ATRNL1: variants seen among roughly 807,000 people sequenced by gnomAD.
The protein encoded by ATRNL1 is attractin-like protein 1.
In ATRNL1, 95 loss-of-function variants were observed where a neutral mutation model predicts 182.7. The ratio of observed to expected loss-of-function variants is 0.52; its 90% CI spans 0.44 to 0.62. ATRNL1 has a LOEUF of 0.62. Among genes scored for constraint, ATRNL1 ranks in the 20% least tolerant of loss-of-function variants. The pLI is 0.00. For missense variants in ATRNL1, 1,471 were observed against 1,679.5 expected (o/e 0.88, Z 2.17); for synonymous variants, 576 against 568.3 (o/e 1.01, Z -0.19).
chr10:115,740,531 G>A (rs1565337513), intron 27 of ATRNL1, among the ~76,000 whole-genome samples: 2 of 151,018 alleles, frequency 1.3e-5, no homozygotes, highest in South Asian at 2.1e-4. Flanking sequence ...TTTTTGAGAC[G>A]GAGTCTTGCT....
At chr10:115,909,599 C>A (rs1415436752) in intron 28 of ATRNL1, 2 of 109,416 alleles carry the variant, frequency 1.8e-5, no homozygotes, top group African/African-American at 4.1e-5. Context: ...GGTTTTTTTT[C>A]TTTTTTCCAC....
chr10:115,625,964 C>G (rs1858070202), intron 26 of ATRNL1, among the ~76,000 whole-genome samples: 1 of 152,008 alleles, frequency 6.6e-6, no homozygotes, highest in Admixed American at 6.6e-5. Context: ...TCACACTTTC[C>G]CCCTCATCTC....
chr10:115,436,758 C>T (rs1233023202), intron 21 of ATRNL1, among the ~76,000 whole-genome samples: 1 of 152,010 alleles, frequency 6.6e-6, no homozygotes, highest in East Asian at 1.9e-4. Context: ...CATTTACTTG[C>T]GTTTACTGAC....
At chr10:115,650,302 A>G in intron 26 of ATRNL1, among the ~76,000 whole-genome samples, 1 of 152,092 alleles carries the variant, frequency 6.6e-6, no homozygotes, top group East Asian at 1.9e-4. Flanking sequence ...ATTGGACATG[A>G]TTGTTCAACA....
chr10:115,449,578 C>A (rs1488551171), intron 21 of ATRNL1, among the ~76,000 whole-genome samples: 1 of 152,158 alleles, frequency 6.6e-6, no homozygotes, highest in Non-Finnish European at 1.5e-5. Flanking sequence ...TAACACATGC[C>A]CTCTGGGGCT....
chr10:115,563,131 G>A (rs1308954402), intron 26 of ATRNL1, among the ~76,000 whole-genome samples: 5 of 152,118 alleles, frequency 3.3e-5, no homozygotes, highest in African/African-American at 4.8e-5. Context: ...TGGTTCCACA[G>A]GCTGTACAAG....
chr10:115,228,174 C>T (rs12218100), intron 9 of ATRNL1, among the ~76,000 whole-genome samples: 32,257 of 151,904 alleles, frequency 0.21, 4,367 homozygotes, highest in Non-Finnish European at 0.3. Context: ...TAGCAAATTA[C>T]GTTTTTATTA....
intron 19 of ATRNL1, among the ~76,000 whole-genome samples, chr10:115,373,475 TG>T (rs1857501381): frequency 6.6e-6 from 1 of 152,056 alleles, no homozygotes; most frequent in Non-Finnish European, 1.5e-5. Context: ...TTTTCACTAA[TG>T]AGTATGATGT....
rs1374399586 is a variant in ATRNL1 at position 115,199,435 on chromosome 10, G to A, written c.1349-16262G>A. On this transcript the variant is annotated intron_variant, in intron 8 of 28. Coordinates refer to ENST00000355044, the MANE Select transcript of ATRNL1 (RefSeq NM_207303.4). ...CAAAAATTAGCTGGCGTAGTGGCAC[G>A]TGCCTTTAGTCCCAGCTACTTGGGA... 4.6e-5 allele frequency among the ~76,000 whole-genome samples: 7 copies of A among 151,918 alleles called. No homozygotes were observed. The South Asian group carries it at 8.3e-4, about 18-fold the overall frequency.
chr10:115,948,937 A>G lies in ATRNL1; in HGVS notation c.*4158A>G, dbSNP rs782781229. ...TAGAAAGCCAACATTTTATGTTATA[A>G]TATGCTGTTAATCAGGACTTTATTA... On this transcript the variant is annotated 3_prime_UTR_variant, in exon 29 of 29. Coordinates refer to ENST00000355044, the MANE Select transcript of ATRNL1 (RefSeq NM_207303.4). 4 of 152,188 alleles carry G rather than the reference A, an allele frequency of 2.6e-5. No individual in the cohort carries two copies. Among genetic ancestry groups the G allele is most frequent in the Non-Finnish European group, 5.9e-5 (4 of 68,030 alleles). The allele number at this position is 152,188 out of a possible 1,614,324, so 9.4% of individuals were successfully genotyped here. A position where few individuals can be genotyped will look rare whatever the true frequency, so the allele number is the denominator to read the frequency against.
chr10:115,878,087 G>A (rs1022482897), intron 28 of ATRNL1, among the ~76,000 whole-genome samples: 12 of 152,196 alleles, frequency 7.9e-5, no homozygotes, highest in African/African-American at 2.4e-4. Flanking sequence ...CCCTCTCAGC[G>A]CTCCTCTGTA....
chr10:115,197,098 C>T (rs567688350), intron 8 of ATRNL1, among the ~76,000 whole-genome samples: 55 of 151,792 alleles, frequency 3.6e-4, no homozygotes, highest in African/African-American at 1.2e-3. Flanking sequence ...TAAATTTCCT[C>T]GAAATAGTTT....
chr10:115,107,969 C>T (rs1346672000), intron 1 of ATRNL1, among the ~76,000 whole-genome samples: 1 of 152,126 alleles, frequency 6.6e-6, no homozygotes, highest in East Asian at 1.9e-4. Flanking sequence ...AGGGGCAGCC[C>T]AGGAGACCTC....
chr10:115,355,700 T>A (rs1392571078), intron 19 of ATRNL1, among the ~76,000 whole-genome samples: 5 of 152,148 alleles, frequency 3.3e-5, no homozygotes, highest in Non-Finnish European at 7.4e-5. Flanking sequence ...CTTACTCTTT[T>A]GGGTTAAGTT....
chr10:115,943,613 C>CT (rs71010059), intron 28 of ATRNL1, among the ~76,000 whole-genome samples: 138,140 of 146,918 alleles, frequency 0.94, 65,250 homozygotes, highest in East Asian at 0.99. Context: ...TACAGTTTGG[C>CT]TTTTTTTTTT....
intron 26 of ATRNL1, among the ~76,000 whole-genome samples, chr10:115,680,871 C>A (rs1422191148): frequency 6.6e-6 from 1 of 152,066 alleles, no homozygotes; most frequent in Admixed American, 6.6e-5. Flanking sequence ...GAATACCATG[C>A]TCTTTAACAG....
intron 8 of ATRNL1, among the ~76,000 whole-genome samples, chr10:115,183,976 A>C (rs1252444307): frequency 6.6e-6 from 1 of 151,602 alleles, no homozygotes; most frequent in Non-Finnish European, 1.5e-5. Context: ...GTTGAGTTTT[A>C]TTAATATATT....
chr10:115,843,022 C>T (rs1950845722), intron 27 of ATRNL1, among the ~76,000 whole-genome samples: 1 of 152,020 alleles, frequency 6.6e-6, no homozygotes, highest in Admixed American at 6.6e-5. Flanking sequence ...TTAATATCCA[C>T]AATTTGGAGA....
At chr10:115,547,128 A>G (rs1852703272) in intron 25 of ATRNL1, among the ~76,000 whole-genome samples, 1 of 151,692 alleles carries the variant, frequency 6.6e-6, no homozygotes, top group Non-Finnish European at 1.5e-5. Flanking sequence ...GGTGGCATGC[A>G]CCTGTAATCC....
Sources: allele counts gnomAD v4.1 joint callset (sites outside exome capture counted in the v4.1 genomes callset), GRCh38; gene constraint gnomAD v4.1.1; transcripts MANE v1.5; gene names NCBI Gene and HGNC (gene_info 2026-07-23, HGNC 2026-07-21).